SLC4A4: variants seen among roughly 807,000 people sequenced by gnomAD.
SLC4A4 encodes electrogenic sodium bicarbonate cotransporter 1.
In SLC4A4, 27 loss-of-function variants were observed where a neutral mutation model predicts 111.5. The observed-to-expected ratio is 0.24, with a 90% CI of 0.18 to 0.33. The LOEUF is 0.33. SLC4A4 is among the 10% of genes least tolerant of loss of function. The pLI is 1.00. For missense variants in SLC4A4, 909 were observed against 1,315.5 expected (o/e 0.69, Z 4.78); for synonymous variants, 443 against 463.4 (o/e 0.96, Z 0.57).
chr4:71,174,395 T>A (rs1237556346), intron 2 of SLC4A4, among the ~76,000 whole-genome samples: 1 of 151,792 alleles, frequency 6.6e-6, no homozygotes, highest in Non-Finnish European at 1.5e-5. Context: ...TATTAACAGG[T>A]GTGCACCACT....
chr4:71,366,540 C>CA (rs1455163954), intron 6 of SLC4A4, among the ~76,000 whole-genome samples: 1 of 152,116 alleles, frequency 6.6e-6, no homozygotes, highest in Non-Finnish European at 1.5e-5. Flanking sequence ...TATCTTTCCT[C>CA]ATCAGATTGT....
At chr4:71,084,388 T>A (rs192616053) in intron 1 of SLC4A4, among the ~76,000 whole-genome samples, 2 of 152,176 alleles carry the variant, frequency 1.3e-5, no homozygotes, top group East Asian at 1.9e-4. Context: ...AAATGACAGT[T>A]TTTTAAATTG....
chr4:71,296,207 A>AT (rs1191158866), intron 3 of SLC4A4, among the ~76,000 whole-genome samples: 1 of 152,184 alleles, frequency 6.6e-6, no homozygotes, highest in Non-Finnish European at 1.5e-5. Flanking sequence ...ATAAAAAGCT[A>AT]TATGATACAG....
chr4:71,227,593 G>C (rs556854369), intron 1 of SLC4A4, among the ~76,000 whole-genome samples: 3 of 152,270 alleles, frequency 2.0e-5, no homozygotes, highest in Admixed American at 6.5e-5. Flanking sequence ...GTCCTGTGGG[G>C]TATCATCCCT....
chr4:71,312,409 C>G (rs1726270346), intron 3 of SLC4A4, among the ~76,000 whole-genome samples: 1 of 152,176 alleles, frequency 6.6e-6, no homozygotes, highest in South Asian at 2.1e-4. Context: ...GGACTCCTCC[C>G]TAACTCATTT....
At chr4:71,203,149 T>G (rs1329207504) in intron 1 of SLC4A4, among the ~76,000 whole-genome samples, 1 of 152,176 alleles carries the variant, frequency 6.6e-6, no homozygotes, top group Non-Finnish European at 1.5e-5. Context: ...TGATGAGTGG[T>G]AACAATGTAT....
intron 16 of SLC4A4, among the ~76,000 whole-genome samples, chr4:71,503,102 C>T (rs1036471994): frequency 8.6e-5 from 13 of 151,858 alleles, no homozygotes; most frequent in South Asian, 2.1e-4. Flanking sequence ...TTACAGTTTT[C>T]GACTTAAGTA....
chr4:71,522,461 GA>G (rs1304464637), intron 16 of SLC4A4, among the ~76,000 whole-genome samples: 1 of 152,180 alleles, frequency 6.6e-6, no homozygotes, highest in Non-Finnish European at 1.5e-5. Flanking sequence ...GGGGTTAGTA[GA>G]AATCAGAAAG....
chr4:71,517,660 C>G (rs1459278175), intron 16 of SLC4A4, among the ~76,000 whole-genome samples: 3 of 152,006 alleles, frequency 2.0e-5, no homozygotes, highest in Non-Finnish European at 4.4e-5. Context: ...TTAGTGGTGT[C>G]ATGTTTCCTT....
At chr4:71,278,423 A>G (rs1723242848) in intron 3 of SLC4A4, among the ~76,000 whole-genome samples, 1 of 152,140 alleles carries the variant, frequency 6.6e-6, no homozygotes, top group Non-Finnish European at 1.5e-5. Context: ...TCCCTTTGAG[A>G]AACTGATTTA....
In SLC4A4 at chr4:71,571,683, A is replaced by G. The variant is rs1271157796; in HGVS notation, c.*3932A>G. On this transcript the variant is annotated 3_prime_UTR_variant, in exon 26 of 26. Coordinates refer to ENST00000264485, the MANE Select transcript of SLC4A4 (RefSeq NM_001098484.3). Reference sequence around the variant, plus strand: ...AGAAGTAACTTTGTCCCAGTCCTACAATGTGAAAAGAGTGAATAGTTGCCT... The same window carrying G: ...AGAAGTAACTTTGTCCCAGTCCTACGATGTGAAAAGAGTGAATAGTTGCCT... 1 of 152,288 alleles carries G rather than the reference A, an allele frequency of 6.6e-6. No homozygotes were observed. Among genetic ancestry groups the G allele is most frequent in the Non-Finnish European group, 1.5e-5 (1 of 67,874 alleles). The allele number at this position is 152,288 out of a possible 1,614,324, so 9.4% of individuals were successfully genotyped here. A position where few individuals can be genotyped will look rare whatever the true frequency, so the allele number is the denominator to read the frequency against.
At chr4:71,284,582 G>T (rs948902217) in intron 3 of SLC4A4, among the ~76,000 whole-genome samples, 1 of 152,106 alleles carries the variant, frequency 6.6e-6, no homozygotes, top group Non-Finnish European at 1.5e-5. Context: ...GTTTTTATAA[G>T]CTATATTCTA....
chr4:71,088,765 G>A (rs1011339976), intron 1 of SLC4A4, among the ~76,000 whole-genome samples: 11 of 151,980 alleles, frequency 7.2e-5, no homozygotes, highest in East Asian at 3.8e-4. Context: ...AGTTTCTGCC[G>A]AGAGATCAGC....
chr4:71,555,776 C>G (rs530760461), intron 21 of SLC4A4, among the ~76,000 whole-genome samples: 1 of 152,032 alleles, frequency 6.6e-6, no homozygotes, highest in South Asian at 2.1e-4. Flanking sequence ...GTGGTGCACA[C>G]TTTTAATCTC....
At chr4:71,282,374 C>T (rs1323354367) in intron 3 of SLC4A4, among the ~76,000 whole-genome samples, 1 of 151,644 alleles carries the variant, frequency 6.6e-6, no homozygotes, top group Admixed American at 6.6e-5. Context: ...CAACCTCTGC[C>T]TCCTGGGTTC....
chr4:71,353,330 C>T (rs1028084603), intron 5 of SLC4A4, among the ~76,000 whole-genome samples: 1 of 152,182 alleles, frequency 6.6e-6, no homozygotes, highest in Non-Finnish European at 1.5e-5. Context: ...AGTCAGAGAG[C>T]CAGTGCTGTC....
chr4:71,351,609 CTTT>C (rs1729842074), intron 5 of SLC4A4, among the ~76,000 whole-genome samples: 1 of 152,290 alleles, frequency 6.6e-6, no homozygotes, highest in South Asian at 2.1e-4. Context: ...AATCCCAGCA[CTTT>C]TGGAGGCCGA....
chr4:71,325,715 G>A (rs1727449981), intron 3 of SLC4A4, among the ~76,000 whole-genome samples: 1 of 151,990 alleles, frequency 6.6e-6, no homozygotes. Context: ...TGTGTGGCAA[G>A]AAGTTGTGAT....
intron 2 of SLC4A4, among the ~76,000 whole-genome samples, chr4:71,152,408 T>C (rs1744333462): frequency 6.6e-6 from 1 of 152,240 alleles, no homozygotes. Flanking sequence ...TTTGGGGGAT[T>C]CTTTCACTTG....
Sources: gnomAD v4.1 joint callset for allele counts (sites outside exome capture counted in the v4.1 genomes callset) on GRCh38, gnomAD v4.1.1 for gene constraint, MANE v1.5 for transcripts, NCBI Gene and HGNC (gene_info 2026-07-23, HGNC 2026-07-21) for gene names.